SHTN1: variants seen among roughly 807,000 people sequenced by gnomAD.
SHTN1 encodes shootin-1.
Under a neutral mutation model 83.1 loss-of-function variants are expected in SHTN1, and 42 were observed. That is an observed-to-expected ratio of 0.51 (90% confidence interval 0.39 to 0.65). SHTN1 has a LOEUF of 0.65. Ranked by LOEUF, SHTN1 falls within the 30% of genes least tolerant of loss-of-function variation. The probability of loss-of-function intolerance (pLI) is 0.00; values close to 1 mark genes in which losing one functional copy is unlikely to be tolerated. For synonymous variants in SHTN1, 224 were observed against 247.7 expected (o/e 0.90, Z 0.90); for missense variants, 622 against 737.8 (o/e 0.84, Z 1.82).
chr10:117,078,842 T>A (rs1025442009), intron 1 of SHTN1, among the ~76,000 whole-genome samples: 15 of 152,148 alleles, frequency 9.9e-5, no homozygotes, highest in Admixed American at 4.6e-4. Flanking sequence ...TGGAAGGTCA[T>A]GTCTTTCAAG....
At chr10:117,108,701 TATA>T (rs59383557) in intron 1 of SHTN1, among the ~76,000 whole-genome samples, 2,393 of 151,612 alleles carry the variant, frequency 0.016, 59 homozygotes, top group East Asian at 0.12. Context: ...GAACTTAAAG[TATA>T]ATAATAATTT....
chr10:117,034,551 G>A (rs888752495), intron 2 of SHTN1, among the ~76,000 whole-genome samples: 3 of 152,002 alleles, frequency 2.0e-5, no homozygotes, highest in Admixed American at 1.3e-4. Context: ...TGAGGCAGGA[G>A]AATCGCTTGA....
intron 1 of SHTN1, among the ~76,000 whole-genome samples, chr10:117,078,497 G>A (rs1853197647): frequency 1.3e-5 from 2 of 152,156 alleles, no homozygotes; most frequent in African/African-American, 2.4e-5. Flanking sequence ...TAGCACTTGG[G>A]ACCAAGCTCT....
chr10:117,059,113 C>T (rs1230952343), intron 1 of SHTN1, among the ~76,000 whole-genome samples: 4 of 151,916 alleles, frequency 2.6e-5, no homozygotes, highest in African/African-American at 4.8e-5. Flanking sequence ...TGCAGACTAA[C>T]GAATGGTTAA....
At chr10:116,935,007 C>A (rs1047562540) in intron 9 of SHTN1, among the ~76,000 whole-genome samples, 1 of 152,142 alleles carries the variant, frequency 6.6e-6, no homozygotes, top group South Asian at 2.1e-4. Context: ...TTTTTGCACA[C>A]TGATTTTGTA....
intron 2 of SHTN1, among the ~76,000 whole-genome samples, chr10:117,034,866 A>G (rs1208078568): frequency 6.6e-6 from 1 of 152,190 alleles, no homozygotes; most frequent in East Asian, 1.9e-4. Flanking sequence ...ATATTCATGA[A>G]TTAGAATAAT....
At chr10:116,900,750 C>T in intron 16 of SHTN1, 2 of 984,060 alleles carry the variant, frequency 2.0e-6, no homozygotes, top group Non-Finnish European at 2.4e-6. Context: ...TCAAATGACT[C>T]TAGTCAAAAG....
At chr10:116,907,211 A>G (rs1391944777) in intron 14 of SHTN1, among the ~76,000 whole-genome samples, 3 of 152,204 alleles carry the variant, frequency 2.0e-5, no homozygotes, top group Non-Finnish European at 4.4e-5. Flanking sequence ...CCCTGGCTGC[A>G]CACCTGATGT....
At chr10:116,985,038 T>G (rs951776219) in intron 1 of SHTN1, among the ~76,000 whole-genome samples, 1 of 152,212 alleles carries the variant, frequency 6.6e-6, no homozygotes, top group Non-Finnish European at 1.5e-5. Flanking sequence ...CCCCATATAC[T>G]TCATGCAAAA....
At chr10:116,919,021 A>G (rs1378412834) in intron 12 of SHTN1, among the ~76,000 whole-genome samples, 1 of 152,188 alleles carries the variant, frequency 6.6e-6, no homozygotes, top group African/African-American at 2.4e-5. Flanking sequence ...AGTAAGGAGT[A>G]AAAGTTTCCC....
intron 3 of SHTN1, among the ~76,000 whole-genome samples, chr10:116,961,762 T>C (rs1850194181): frequency 1.3e-5 from 2 of 152,234 alleles, no homozygotes; most frequent in African/African-American, 4.8e-5. Flanking sequence ...AGACACAATC[T>C]GACACATTGG....
At chr10:117,114,584 C>T (rs1213687711) in intron 1 of SHTN1, among the ~76,000 whole-genome samples, 3 of 152,168 alleles carry the variant, frequency 2.0e-5, no homozygotes, top group African/African-American at 7.2e-5. Context: ...TGACTTGCCA[C>T]AGCCCAGGCA....
intron 2 of SHTN1, among the ~76,000 whole-genome samples, chr10:117,026,165 C>T (rs1287098635): frequency 1.3e-5 from 2 of 152,086 alleles, no homozygotes; most frequent in African/African-American, 4.8e-5. Context: ...CTGAACCTGA[C>T]CTACGTCACA....
chr10:117,007,756 C>G (rs1391984839), upstream of SHTN1, among the ~76,000 whole-genome samples: 3 of 151,668 alleles, frequency 2.0e-5, no homozygotes, highest in Admixed American at 6.6e-5. Context: ...TAATAATATA[C>G]AGAGTGATGG....
intron 1 of SHTN1, among the ~76,000 whole-genome samples, chr10:117,051,335 T>A (rs762622340): frequency 6.6e-6 from 1 of 152,040 alleles, no homozygotes; most frequent in Non-Finnish European, 1.5e-5. Flanking sequence ...CTACTGAACA[T>A]CTGAAGAAGA....
chr10:116,985,376 G>A (rs768874155), intron 1 of SHTN1, among the ~76,000 whole-genome samples: 1 of 152,162 alleles, frequency 6.6e-6, no homozygotes, highest in East Asian at 1.9e-4. Context: ...CTGACTCCCA[G>A]AGTCATTCAT....
In SHTN1 at chr10:117,114,429, T is replaced by C. The variant is rs74349528; in HGVS notation, c.-189+11878A>G. On this transcript the variant is annotated intron_variant, in intron 1 of 17. Coordinates refer to the SHTN1 transcript ENST00000392901. ...GTTGGGGGCAGCCTGCAAGTCTTCA[T>C]AGGAGATAAAATATGCAAGGGACAT... Among the ~76,000 whole-genome samples, 1,069 of 152,242 alleles carry C rather than the reference T, an allele frequency of 7.0e-3. 37 individuals are homozygous for C. The highest frequency in any genetic ancestry group is 0.051 in the East Asian group (264 of 5,170).
At chr10:117,060,950 G>C (rs1333137579) in intron 1 of SHTN1, among the ~76,000 whole-genome samples, 2 of 152,124 alleles carry the variant, frequency 1.3e-5, no homozygotes, top group Non-Finnish European at 2.9e-5. Flanking sequence ...AAAGACCTTG[G>C]TTTCTAATTT....
chr10:117,075,826 A>G (rs909007206), intron 1 of SHTN1, among the ~76,000 whole-genome samples: 1 of 152,206 alleles, frequency 6.6e-6, no homozygotes, highest in African/African-American at 2.4e-5. Flanking sequence ...GAGATAAGGC[A>G]TACAGGTCCA....
Sources: allele counts gnomAD v4.1 joint callset (sites outside exome capture counted in the v4.1 genomes callset), GRCh38; gene constraint gnomAD v4.1.1; transcripts MANE v1.5; gene names NCBI Gene and HGNC (gene_info 2026-07-23, HGNC 2026-07-21).